Variants in GFPT2 observed in about 807,000 individuals in gnomAD.
GFPT2 encodes the protein glutamine--fructose-6-phosphate transaminase 2.
Under a neutral mutation model 85.6 loss-of-function variants are expected in GFPT2, and 62 were observed. The observed-to-expected ratio is 0.72, with a 90% CI of 0.59 to 0.90. The LOEUF (loss-of-function observed/expected upper bound fraction) is 0.90, where lower values mean the gene tolerates loss of function less well. Ranked by LOEUF, GFPT2 falls within the 40% of genes least tolerant of loss-of-function variation. GFPT2 has a pLI of 0.00. For synonymous variants in GFPT2, 368 were observed against 344.5 expected, an observed-to-expected ratio of 1.07 and a Z score of -0.75; for missense variants, 788 against 893.4, an observed-to-expected ratio of 0.88 and a Z score of 1.50.
At position 180,336,477 on chromosome 5, in the gene GFPT2, A is replaced by G. The variant is rs768376669; in HGVS notation, c.214+2T>C. On this transcript the variant is annotated splice_donor_variant, in intron 3 of 18. Coordinates refer to ENST00000253778, the MANE Select transcript of GFPT2 (RefSeq NM_005110.4). LOFTEE classifies it high-confidence loss of function. Reference sequence around the variant, plus strand: ...CCTCCCACTCAGAGGTCCTCCACTTACTGTAAAGTTCTTCATCGAGAGCCT... The same window carrying G: ...CCTCCCACTCAGAGGTCCTCCACTTGCTGTAAAGTTCTTCATCGAGAGCCT... 1 of 1,543,130 alleles carries G rather than the reference A, an allele frequency of 6.5e-7. No individual in the cohort carries two copies. The highest frequency in any genetic ancestry group is 9.0e-7 in the Non-Finnish European group (1 of 1,115,260).
chr5:180,304,631 C>T (rs1333183606), intron 17 of GFPT2, 141 bp downstream of exon 17: 1 of 778,396 alleles, frequency 1.3e-6, no homozygotes, highest in South Asian at 1.6e-5. Context: ...GCACTCCCCA[C>T]AGGCGGCCCG....
intron 1 of GFPT2, among the ~76,000 whole-genome samples, chr5:180,346,400 CCT>C (rs1379854947): frequency 3.9e-5 from 6 of 152,204 alleles, no homozygotes; most frequent in Non-Finnish European, 8.8e-5. Flanking sequence ...GGTGCTGCCC[CCT>C]GAGAGCCAAG....
In GFPT2 at chr5:180,313,876, G is replaced by A; in HGVS notation, c.1362C>T (p.Ser454=). The A allele has an allele frequency of 6.2e-7, 1 of 1,606,038 alleles. No individual in the cohort carries two copies. Among genetic ancestry groups the A allele is most frequent in the East Asian group, 2.2e-5 (1 of 44,778 alleles). ...TVGVTNTVGS[S]ISRETDCGVH... ...CGCCGCAGTCGGTCTCGCGAGAGAT[G>A]GAGCTGCCCACGGTGTTGGTGACGC... Residue 454 remains serine (S), a synonymous_variant, in exon 14 of 19, where the codon TCC becomes TCT. Coordinates refer to ENST00000253778, the MANE Select transcript of GFPT2 (RefSeq NM_005110.4).
intron 1 of GFPT2, among the ~76,000 whole-genome samples, chr5:180,347,090 C>A (rs978050843): frequency 1.3e-5 from 2 of 152,202 alleles, no homozygotes; most frequent in Non-Finnish European, 2.9e-5. Flanking sequence ...GCTGAGCGCC[C>A]AGAGGGGCTG....
At position 180,313,794 on chromosome 5, in the gene GFPT2, T is replaced by C; in HGVS notation, c.1431+13A>G. On this transcript the variant is annotated intron_variant, in intron 14 of 18. Coordinates refer to ENST00000253778, the MANE Select transcript of GFPT2 (RefSeq NM_005110.4). ...AGGCTCTCCCTGGGACGGGCGCCCG[T>C]GGCTCCTCCTACCTTGGTGCTGGCC... 1.3e-6 allele frequency: 2 copies of C among 1,539,978 alleles called. No homozygotes were observed. Among genetic ancestry groups the C allele is most frequent in the Non-Finnish European group, 1.7e-6 (2 of 1,147,540 alleles).
intron 1 of GFPT2, 109 bp downstream of exon 1, chr5:180,353,102 C>T (rs1345961198): frequency 5.2e-6 from 5 of 952,528 alleles, no homozygotes; most frequent in Non-Finnish European, 6.8e-6. Context: ...AGATCGGCGC[C>T]CCCAGCCAGG....
chr5:180,311,210 G>A (rs1177373213), intron 15 of GFPT2, among the ~76,000 whole-genome samples: 1 of 152,188 alleles, frequency 6.6e-6, no homozygotes, highest in East Asian at 1.9e-4. Context: ...ATGATGTCCT[G>A]TCCGCAGTGA....
At position 180,307,247 on chromosome 5, in the gene GFPT2, G is replaced by A; in HGVS notation, c.1603C>T (p.Leu535Phe). 6.3e-7 allele frequency: 1 copy of A among 1,586,678 alleles called. No homozygotes were observed. Among genetic ancestry groups the A allele is most frequent in the Non-Finnish European group, 8.6e-7 (1 of 1,166,988 alleles). The change falls in exon 16 of 19, where the codon CTC (leucine) becomes TTC (phenylalanine). Residue 535 changes from leucine to phenylalanine, a missense_variant. By Grantham distance (22) the Leu-to-Phe change is conservative. Coordinates refer to ENST00000253778, the MANE Select transcript of GFPT2 (RefSeq NM_005110.4). ...EEKIHDLALELYTQRSLLVMG... is the reference protein window; with the variant it reads ...EEKIHDLALEFYTQRSLLVMG... ...ACCAGCAGCGATCTCTGCGTGTAGAGCTCCAGGGCCAAGTCGTGGATCTTC... is the reference window on the plus strand; with the variant it reads ...ACCAGCAGCGATCTCTGCGTGTAGAACTCCAGGGCCAAGTCGTGGATCTTC...
chr5:180,307,548 C>T (rs1331953253), intron 15 of GFPT2, among the ~76,000 whole-genome samples: 1 of 152,078 alleles, frequency 6.6e-6, no homozygotes, highest in Non-Finnish European at 1.5e-5. Flanking sequence ...TAGGAAGTAC[C>T]ATTTCTCACT....
Position 180,333,567 on chromosome 5 carries a change from T to C in GFPT2, c.341-2014A>G, listed in dbSNP as rs139838481. On this transcript the variant is annotated intron_variant, in intron 4 of 18. Transcript: ENST00000253778. ...TGTTTCTTTACATTATTCTCTTAATTCTGCTACACTTTCTTTCATCTCAGT... is the reference window on the plus strand; with the variant it reads ...TGTTTCTTTACATTATTCTCTTAATCCTGCTACACTTTCTTTCATCTCAGT... Among the ~76,000 whole-genome samples the C allele has an allele frequency of 3.8e-3, 576 of 152,316 alleles. 3 individuals carry two copies. The highest frequency in any genetic ancestry group is 0.013 in the African/African-American group (553 of 41,576).
intron 15 of GFPT2, 37 bp downstream of exon 15, chr5:180,312,393 G>A: frequency 9.5e-7 from 1 of 1,051,198 alleles, no homozygotes; most frequent in Non-Finnish European, 1.5e-6. Context: ...CAGTCCACTA[G>A]ATCTGAAAAC....
chr5:180,350,080 G>A (rs1764683343), intron 1 of GFPT2, among the ~76,000 whole-genome samples: 1 of 152,070 alleles, frequency 6.6e-6, no homozygotes, highest in Non-Finnish European at 1.5e-5. Context: ...CCGTGCTCGT[G>A]TCTGGGTCCT....
intron 15 of GFPT2, among the ~76,000 whole-genome samples, chr5:180,310,946 C>G (rs1372867442): frequency 6.6e-6 from 1 of 151,228 alleles, no homozygotes; most frequent in Non-Finnish European, 1.5e-5. Context: ...TGGACCACAT[C>G]TGGAGAACCA....
At chr5:180,321,839 A>T (rs1485997398) in intron 9 of GFPT2, among the ~76,000 whole-genome samples, 1 of 152,224 alleles carries the variant, frequency 6.6e-6, no homozygotes, top group African/African-American at 2.4e-5. Context: ...GCTGGAGTGC[A>T]GTGGCGCGAT....
intron 16 of GFPT2, 110 bp downstream of exon 16, chr5:180,307,063 GTCC>G (rs1025314045): frequency 3.4e-5 from 28 of 814,058 alleles, no homozygotes; most frequent in Non-Finnish European, 5.5e-5. Context: ...TGGCCAAGGG[GTCC>G]TTAGGCCCGG....
intron 1 of GFPT2, chr5:180,352,377 G>C (rs1035213307): frequency 2.2e-5 from 10 of 444,560 alleles, no homozygotes; most frequent in African/African-American, 2.1e-4. Context: ...GTGACCTTTT[G>C]TCCCAGCAGA....
rs149465226 is a variant in GFPT2 at position 180,346,587 on chromosome 5, C to T, written c.7+6624G>A. Among the ~76,000 whole-genome samples the T allele has an allele frequency of 6.4e-3, 977 of 152,350 alleles. 4 individuals are homozygous for T. The highest frequency in any genetic ancestry group is 0.01 in the Non-Finnish European group (685 of 68,022). On this transcript the variant is annotated intron_variant, in intron 1 of 18. Coordinates refer to ENST00000253778, the MANE Select transcript of GFPT2 (RefSeq NM_005110.4). ...AACCCCTCCTGCTGTCTGGCCTGAGCCCGCCTTGCTCCCCATGCCACCCTG... is the reference window on the plus strand; with the variant it reads ...AACCCCTCCTGCTGTCTGGCCTGAGTCCGCCTTGCTCCCCATGCCACCCTG...
intron 5 of GFPT2, 184 bp from the exon 6 acceptor site, chr5:180,331,018 C>A (rs1482795640): frequency 3.4e-6 from 2 of 590,452 alleles, no homozygotes; most frequent in Non-Finnish European, 5.9e-6. Flanking sequence ...CTCCCGGAGG[C>A]CCTGAGATCA....
chr5:180,337,616 G>A (rs184668114), intron 2 of GFPT2, among the ~76,000 whole-genome samples: 10 of 152,172 alleles, frequency 6.6e-5, no homozygotes, highest in South Asian at 2.1e-4. Flanking sequence ...AACAGCGACC[G>A]GAGAAGGGTC....
Sources: gnomAD v4.1 joint callset for allele counts (sites outside exome capture counted in the v4.1 genomes callset) on GRCh38, gnomAD v4.1.1 for gene constraint, MANE v1.5 for transcripts, NCBI Gene and HGNC (gene_info 2026-07-23, HGNC 2026-07-21) for gene names.